IGFBP5: variants seen among roughly 807,000 people sequenced by gnomAD.
IGFBP5 encodes insulin like growth factor binding protein 5.
In IGFBP5, 12 loss-of-function variants were observed where a neutral mutation model predicts 28.0. The ratio of observed to expected loss-of-function variants is 0.43; its 90% CI spans 0.27 to 0.69. The LOEUF is 0.69. Among genes scored for constraint, IGFBP5 ranks in the 30% least tolerant of loss-of-function variants. IGFBP5 has a pLI of 0.20. For synonymous variants in IGFBP5, 152 were observed against 150.2 expected (o/e 1.01, Z -0.09); for missense variants, 344 against 381.6 (o/e 0.90, Z 0.82).
Position 216,678,145 on chromosome 2 carries a change from A to G in IGFBP5, c.654T>C (p.Asn218=). 4.4e-6 allele frequency: 7 copies of G among 1,582,106 alleles called. No individual in the cohort carries two copies. The highest frequency in any genetic ancestry group is 5.2e-6 in the Non-Finnish European group (6 of 1,160,370). The change falls in exon 3 of 4, where the codon AAT becomes AAC. Residue 218 remains asparagine (N), a synonymous_variant. Coordinates refer to ENST00000233813, the MANE Select transcript of IGFBP5 (RefSeq NM_000599.4). The part of the protein sequence containing the change: ...RMVPRAVYLP[N]CDRKGFYKRK... The stretch of plus-strand genomic sequence containing the variant: ...TCTTGTAGAATCCTTTGCGGTCACA[A>G]TTGGGCAGGTACACAGCACGGGGCA...
intron 1 of IGFBP5, among the ~76,000 whole-genome samples, chr2:216,693,635 C>T (rs1266013432): frequency 6.6e-6 from 1 of 152,076 alleles, no homozygotes; most frequent in Non-Finnish European, 1.5e-5. Context: ...GATTCAGAAA[C>T]GAACACCAGG....
At chr2:216,680,467 C>A (rs933009816) in intron 1 of IGFBP5, among the ~76,000 whole-genome samples, 22 of 152,248 alleles carry the variant, frequency 1.4e-4, no homozygotes, top group Middle Eastern at 6.8e-3. Context: ...AGGTATAGAA[C>A]CTGACTTCTG....
Position 216,679,675 on chromosome 2 carries a change from C to T in IGFBP5, c.338-596G>A, listed in dbSNP as rs908759369. Among the ~76,000 whole-genome samples the T allele has an allele frequency of 2.0e-5, 3 of 152,016 alleles. No homozygotes were observed. The highest frequency in any genetic ancestry group is 4.4e-5 in the Non-Finnish European group (3 of 68,002). On this transcript the variant is annotated intron_variant, in intron 1 of 3. Transcript: ENST00000233813. The surrounding 1 kb of genome is among the most constrained non-coding windows in gnomAD (Gnocchi z 4.6). ...GAGGGGGTCCTGGGGTCTGGAGCAG[C>T]AGGGTGGTGAGGACCTTCATAAGCG...
intron 1 of IGFBP5, among the ~76,000 whole-genome samples, chr2:216,693,600 A>T (rs889865839): frequency 6.6e-6 from 1 of 151,868 alleles, no homozygotes; most frequent in African/African-American, 2.4e-5. Context: ...GTAAAATCTG[A>T]ATTGGAGAGG....
At position 216,675,119 on chromosome 2, in the gene IGFBP5, T is replaced by C. The variant is rs1011430913; in HGVS notation, c.*1632A>G. ...TTGGCTTTTCCCCCTTTCTGCTGCT[T>C]TGTGCCAAAGCTAGAATGGAACAGT... On this transcript the variant is annotated 3_prime_UTR_variant, in exon 4 of 4. Transcript: ENST00000233813. The C allele has an allele frequency of 6.6e-6, 1 of 152,244 alleles. No individual in the cohort carries two copies. The highest frequency in any genetic ancestry group is 1.5e-5 in the Non-Finnish European group (1 of 68,048). The allele number at this position is 152,244 out of a possible 1,614,324, so 9.4% of individuals were successfully genotyped here. A position where few individuals can be genotyped will look rare whatever the true frequency, so the allele number is the denominator to read the frequency against.
intron 1 of IGFBP5, among the ~76,000 whole-genome samples, chr2:216,693,715 T>C (rs1303515677): frequency 1.3e-5 from 2 of 151,522 alleles, no homozygotes; most frequent in African/African-American, 2.4e-5. Flanking sequence ...TCCTAAAGTA[T>C]TTTTTTCCCT....
intron 1 of IGFBP5, among the ~76,000 whole-genome samples, chr2:216,686,176 A>G (rs1041625414): frequency 1.5e-4 from 23 of 152,176 alleles, no homozygotes; most frequent in African/African-American, 4.6e-4. Flanking sequence ...GAGAAATAGC[A>G]TGGTTAGGTA....
chr2:216,683,289 G>A (rs1214274056), intron 1 of IGFBP5, among the ~76,000 whole-genome samples: 1 of 152,174 alleles, frequency 6.6e-6, no homozygotes, highest in South Asian at 2.1e-4. Context: ...ATTGGAGGTT[G>A]AGGCTGAGGC....
chr2:216,674,454 T>G lies in IGFBP5; in HGVS notation c.*2297A>C, dbSNP rs13417111. 0.059 allele frequency: 8,986 copies of G among 152,544 alleles called. 381 individuals carry two copies. The highest frequency in any genetic ancestry group is 0.11 in the African/African-American group (4,432 of 41,504). The allele number at this position is 152,544 out of a possible 1,614,324, so 9.4% of individuals were successfully genotyped here. On this transcript the variant is annotated 3_prime_UTR_variant, in exon 4 of 4. Coordinates refer to ENST00000233813, the MANE Select transcript of IGFBP5 (RefSeq NM_000599.4). The surrounding 1 kb of genome is among the most constrained non-coding windows in gnomAD (Gnocchi z 4.4). ...GGGGCATAGGAGATAGCCCCCAAGT[T>G]CTATAGCTATAGGGTTCCCATCAGT...
intron 1 of IGFBP5, among the ~76,000 whole-genome samples, chr2:216,682,512 G>A (rs1688987709): frequency 6.6e-6 from 1 of 152,146 alleles, no homozygotes; most frequent in Non-Finnish European, 1.5e-5. Context: ...AATGAACTGA[G>A]GTTGCAGAAG....
Position 216,694,653 on chromosome 2 carries a change from G to T in IGFBP5, c.123C>A (p.Ser41Arg). ...DEKALSMCPP[S>R]PLGCELVKEP... Reference sequence around the variant, plus strand: ...CCTTGACCAGCTCGCAGCCCAGGGGGCTGGGGGGGCACATGGAGAGGGCTT... The same window carrying T: ...CCTTGACCAGCTCGCAGCCCAGGGGTCTGGGGGGGCACATGGAGAGGGCTT... The change falls in exon 1 of 4, where the codon AGC becomes AGA. Residue 41 changes from serine (S) to arginine (R), a missense_variant. Coordinates refer to ENST00000233813, the MANE Select transcript of IGFBP5 (RefSeq NM_000599.4). This position sits in a 1 kb window ranked among gnomAD's most constrained non-coding sequence, Gnocchi z 5.2. 2 of 1,528,094 alleles carry T rather than the reference G, an allele frequency of 1.3e-6. No individual in the cohort carries two copies. The highest frequency in any genetic ancestry group is 2.4e-5 in the East Asian group (1 of 40,824). 94.7% of individuals were successfully genotyped at this position (1,528,094 alleles called of 1,614,324 possible). A position where few individuals can be genotyped will look rare whatever the true frequency, so the allele number is the denominator to read the frequency against.
chr2:216,691,867 G>T (rs1277749057), intron 1 of IGFBP5, among the ~76,000 whole-genome samples: 1 of 147,010 alleles, frequency 6.8e-6, no homozygotes. Context: ...GTGTGTGTGT[G>T]TGTGTGTGTG....
At chr2:216,682,843 G>C (rs1488972533) in intron 1 of IGFBP5, among the ~76,000 whole-genome samples, 2 of 151,970 alleles carry the variant, frequency 1.3e-5, no homozygotes, top group African/African-American at 4.8e-5. Context: ...CGAGTAGCTG[G>C]GACTACAGGC....
In IGFBP5 at chr2:216,692,707, C is replaced by G. The variant is rs1689116045; in HGVS notation, c.337+1732G>C. On this transcript the variant is annotated intron_variant, in intron 1 of 3. Coordinates refer to ENST00000233813, the MANE Select transcript of IGFBP5 (RefSeq NM_000599.4). The surrounding 1 kb of genome is among the most constrained non-coding windows in gnomAD (Gnocchi z 4.2). ...AATAAAAATAATCTCACAAGCCGGT[C>G]TCTGGGGTTCCCAGAGCCTGCACAT... is the stretch of plus-strand genomic sequence containing the variant. Among the ~76,000 whole-genome samples, 1 of 152,148 alleles carries G rather than the reference C, an allele frequency of 6.6e-6. No individual in the cohort carries two copies. The highest frequency in any genetic ancestry group is 2.1e-4 in the South Asian group (1 of 4,830).
At chr2:216,687,991 AAG>A (rs1311758901) in intron 1 of IGFBP5, among the ~76,000 whole-genome samples, 3 of 152,188 alleles carry the variant, frequency 2.0e-5, no homozygotes, top group Admixed American at 2.0e-4. Context: ...AGCAAAAGGA[AAG>A]AGTGGGGACA....
chr2:216,690,541 A>T (rs1223762970), intron 1 of IGFBP5, among the ~76,000 whole-genome samples: 3 of 152,106 alleles, frequency 2.0e-5, no homozygotes, highest in African/African-American at 7.2e-5. Context: ...TTCTGCAGGG[A>T]ATTCCTGCTC....
Position 216,679,268 on chromosome 2 carries a change from C to A in IGFBP5, c.338-189G>T. On this transcript the variant is annotated intron_variant, in intron 1 of 3. Transcript: ENST00000233813. The surrounding 1 kb of genome is among the most constrained non-coding windows in gnomAD (Gnocchi z 4.6). ...GCAGAGGGAATGCTCATTTAAGTGG[C>A]AGGAAGTTTCTGGCATGCTTGGAGT... 1 of 627,708 alleles carries A rather than the reference C, an allele frequency of 1.6e-6. No homozygotes were observed. Among genetic ancestry groups the A allele is most frequent in the East Asian group, 2.8e-5 (1 of 35,902 alleles). The allele number at this position is 627,708 out of a possible 1,614,324, so 38.9% of individuals were successfully genotyped here.
chr2:216,693,498 G>C (rs1689126535), intron 1 of IGFBP5, among the ~76,000 whole-genome samples: 1 of 151,968 alleles, frequency 6.6e-6, no homozygotes, highest in Non-Finnish European at 1.5e-5. Flanking sequence ...AGGTGGTGGT[G>C]GTGCCAGGAA....
At chr2:216,685,982 G>A (rs1375941843) in intron 1 of IGFBP5, among the ~76,000 whole-genome samples, 2 of 150,796 alleles carry the variant, frequency 1.3e-5, no homozygotes, top group South Asian at 4.2e-4. Context: ...AGGAGGAAAT[G>A]AGCACTAACC....
Sources: gnomAD v4.1 joint callset for allele counts (sites outside exome capture counted in the v4.1 genomes callset) on GRCh38, gnomAD v4.1.1 for gene constraint, Gnocchi (gnomAD v3.1) non-coding constraint, MANE v1.5 for transcripts, NCBI Gene and HGNC (gene_info 2026-07-23, HGNC 2026-07-21) for gene names.